The following TDRD10 variants were observed in gnomAD, a reference collection of about 807,000 sequenced individuals.
The protein encoded by TDRD10 is tudor domain containing 10.
Under a neutral mutation model 48.0 loss-of-function variants are expected in TDRD10, and 40 were observed. The ratio of observed to expected loss-of-function variants is 0.83; its 90% CI spans 0.65 to 1.09. The LOEUF (loss-of-function observed/expected upper bound fraction) is 1.09, where lower values mean the gene tolerates loss of function less well. Among genes scored for constraint, TDRD10 ranks in the 50% least tolerant of loss-of-function variants. The pLI is 0.00. For missense variants in TDRD10, 378 were observed against 434.7 expected (o/e 0.87, Z 1.16); for synonymous variants, 162 against 170.4 (o/e 0.95, Z 0.38).
At chr1:154,511,579 G>A (rs1442578966) in intron 4 of TDRD10, among the ~76,000 whole-genome samples, 1 of 152,074 alleles carries the variant, frequency 6.6e-6, no homozygotes, top group Non-Finnish European at 1.5e-5. Context: ...GCCGGGTGCA[G>A]TGGCTCACAC....
chr1:154,545,077 C>T, intron 11 of TDRD10, 128 bp downstream of exon 11: 1 of 1,288,870 alleles, frequency 7.8e-7, no homozygotes, highest in Non-Finnish European at 1.1e-6. Flanking sequence ...CCACCCAACC[C>T]CAGTTTTCAG....
At chr1:154,546,331 C>CA (rs1216134838) in intron 11 of TDRD10, among the ~76,000 whole-genome samples, 1 of 149,850 alleles carries the variant, frequency 6.7e-6, no homozygotes, top group South Asian at 2.1e-4. Context: ...CTCGGCCTCC[C>CA]AAAGTGTTGG....
rs1380139410 is a variant in TDRD10, at chr1:154,515,259, A to G, written c.142-5045A>G. The stretch of plus-strand genomic sequence containing the variant: ...GTGATCTGCCTGCCTCGGCCTCCCA[A>G]AGTGCTGGGATTACAGGTATGAGCC... On this transcript the variant is annotated intron_variant, in intron 4 of 12. Coordinates refer to ENST00000368482, the MANE Select transcript of TDRD10 (RefSeq NM_182499.4). Among the ~76,000 whole-genome samples the G allele has an allele frequency of 4.0e-5, 6 of 151,830 alleles. 1 individual carries two copies. Among genetic ancestry groups the G allele is most frequent in the South Asian group, 4.2e-4 (2 of 4,804 alleles).
At chr1:154,538,550 C>CAAAAAAA (rs59257227) in intron 6 of TDRD10, among the ~76,000 whole-genome samples, 2 of 57,340 alleles carry the variant, frequency 3.5e-5, no homozygotes, top group South Asian at 7.4e-4. Flanking sequence ...AACTCTATCT[C>CAAAAAAA]AAAAAAAAAA....
intron 6 of TDRD10, among the ~76,000 whole-genome samples, chr1:154,530,395 C>G (rs1694549431): frequency 6.8e-6 from 1 of 147,004 alleles, no homozygotes; most frequent in African/African-American, 2.5e-5. Flanking sequence ...CCATGGTTTC[C>G]TTCTTTTTTT....
At chr1:154,539,029 T>A (rs1695082200) in intron 6 of TDRD10, among the ~76,000 whole-genome samples, 1 of 152,158 alleles carries the variant, frequency 6.6e-6, no homozygotes, top group Non-Finnish European at 1.5e-5. Context: ...TTAACTCTCC[T>A]GTTCTGCAGA....
intron 6 of TDRD10, among the ~76,000 whole-genome samples, chr1:154,522,048 C>T (rs1694087303): frequency 6.6e-6 from 1 of 152,196 alleles, no homozygotes. Context: ...AGATCCCATT[C>T]CAGAGCCTGA....
At chr1:154,546,324 G>A (rs960745882) in intron 11 of TDRD10, among the ~76,000 whole-genome samples, 10 of 149,614 alleles carry the variant, frequency 6.7e-5, no homozygotes, top group African/African-American at 9.8e-5. Context: ...TGCCCTCCTC[G>A]GCCTCCCAAA....
chr1:154,518,665 G>A (rs1477031746), intron 4 of TDRD10, among the ~76,000 whole-genome samples: 2 of 152,116 alleles, frequency 1.3e-5, no homozygotes, highest in African/African-American at 4.8e-5. Flanking sequence ...TCCTGACCTC[G>A]TGATCTGCCT....
At chr1:154,538,733 GTCT>G (rs1695057602) in intron 6 of TDRD10, among the ~76,000 whole-genome samples, 1 of 151,196 alleles carries the variant, frequency 6.6e-6, no homozygotes. Context: ...GGCACCTGTA[GTCT>G]GAGCTACTCG....
chr1:154,546,669 G>C lies in TDRD10; in HGVS notation c.953-740G>C, dbSNP rs1695606792. ...GGCTGGGAACAGCCAGGCATCAGGA[G>C]CTTCTTCAGGTGACCCAGGGAAGAG... On this transcript the variant is annotated intron_variant, in intron 11 of 12. Transcript: ENST00000368482. Among the ~76,000 whole-genome samples the C allele has an allele frequency of 5.3e-5, 8 of 152,168 alleles. No homozygotes were observed. In the South Asian group the frequency reaches 1.7e-3, roughly 32 times the overall value.
chr1:154,521,498 C>A lies in TDRD10; in HGVS notation c.369+19C>A, dbSNP rs1249492516. 8 of 1,611,948 alleles carry A rather than the reference C, an allele frequency of 5.0e-6. No homozygotes were observed. Among genetic ancestry groups the A allele is most frequent in the Non-Finnish European group, 6.8e-6 (8 of 1,179,538 alleles). On this transcript the variant is annotated intron_variant, in intron 6 of 12. Coordinates refer to ENST00000368482, the MANE Select transcript of TDRD10 (RefSeq NM_182499.4). ...CCCGCTGGTATGTCTTCTGGCCTTT[C>A]TGCTCTGGGGCGTTCCATTTTCACC... is the stretch of plus-strand genomic sequence containing the variant.
intron 4 of TDRD10, among the ~76,000 whole-genome samples, chr1:154,518,354 T>C (rs1693878456): frequency 3.3e-5 from 5 of 152,256 alleles, no homozygotes; most frequent in Admixed American, 3.3e-4. Context: ...AAGTTACTTT[T>C]ATGATTTAAA....
intron 1 of TDRD10, among the ~76,000 whole-genome samples, chr1:154,505,433 CCT>C (rs1394880522): frequency 6.6e-6 from 1 of 152,172 alleles, no homozygotes; most frequent in Admixed American, 6.6e-5. Context: ...TGCCCATAAA[CCT>C]CTCTCTCCAT....
intron 1 of TDRD10, among the ~76,000 whole-genome samples, chr1:154,506,346 C>T (rs779340715): frequency 2.0e-5 from 3 of 151,504 alleles, no homozygotes; most frequent in Admixed American, 6.6e-5. Context: ...TATATCACAT[C>T]ACTTTAACTT....
intron 4 of TDRD10, among the ~76,000 whole-genome samples, chr1:154,519,204 T>A (rs1693925486): frequency 6.6e-6 from 1 of 152,244 alleles, no homozygotes; most frequent in South Asian, 2.1e-4. Flanking sequence ...GAATTGCTTG[T>A]TCAGCATCTT....
chr1:154,507,333 G>A lies in TDRD10; in HGVS notation c.82+13G>A. 6.2e-7 allele frequency: 1 copy of A among 1,613,588 alleles called. No individual in the cohort carries two copies. ...CAGAAATCTCCAGGTAAGTTAGGCT[G>A]GGGGATTCGCTGGTGCTGGGACTCT... On this transcript the variant is annotated intron_variant, in intron 3 of 12. Coordinates refer to ENST00000368482, the MANE Select transcript of TDRD10 (RefSeq NM_182499.4).
chr1:154,522,483 A>C (rs1426753615), intron 6 of TDRD10, among the ~76,000 whole-genome samples: 1 of 152,080 alleles, frequency 6.6e-6, no homozygotes, highest in African/African-American at 2.4e-5. Flanking sequence ...AAGCCGAGAG[A>C]TGGGTTGGAA....
At chr1:154,532,226 A>G (rs60255122) in intron 6 of TDRD10, among the ~76,000 whole-genome samples, 29,087 of 152,172 alleles carry the variant, frequency 0.19, 3,044 homozygotes, top group South Asian at 0.23. Flanking sequence ...TGCAGGTCCC[A>G]AGCCCTGCCC....
Sources: allele counts gnomAD v4.1 joint callset (sites outside exome capture counted in the v4.1 genomes callset), GRCh38; gene constraint gnomAD v4.1.1; transcripts MANE v1.5; gene names NCBI Gene and HGNC (gene_info 2026-07-23, HGNC 2026-07-21).